The following WDR41 variants were observed in gnomAD, a reference collection of about 807,000 sequenced individuals.
The protein encoded by WDR41 is WD repeat domain 41.
WDR41 carries 63 observed loss-of-function variants against 69.3 expected under a neutral mutation model. The observed-to-expected ratio is 0.91, with a 90% confidence interval of 0.74 to 1.12. The LOEUF (loss-of-function observed/expected upper bound fraction) is 1.12, where lower values mean the gene tolerates loss of function less well. WDR41 is among the 50% of genes most tolerant of loss of function. The pLI is 0.00. For missense variants in WDR41, 543 were observed against 534.5 expected, an observed-to-expected ratio of 1.02 and a Z score of -0.16; for synonymous variants, 185 against 192.1, an observed-to-expected ratio of 0.96 and a Z score of 0.31.
Position 77,431,620 on chromosome 5 carries a change from C to T in WDR41, c.*1515G>A, listed in dbSNP as rs892439679. The T allele has an allele frequency of 6.6e-6, 1 of 152,112 alleles. No homozygotes were observed. Among genetic ancestry groups the T allele is most frequent in the African/African-American group, 2.4e-5 (1 of 41,418 alleles). The allele number at this position is 152,112 out of a possible 1,614,324, so 9.4% of individuals were successfully genotyped here. A position where few individuals can be genotyped will look rare whatever the true frequency, so the allele number is the denominator to read the frequency against. ...TCCAAAATTCATGTGATTTCTACCA[C>T]TCCATTTGAATAGATTACTATCACA... is the stretch of plus-strand genomic sequence containing the variant. On this transcript the variant is annotated 3_prime_UTR_variant, in exon 13 of 13. Transcript: ENST00000296679.
intron 1 of WDR41, among the ~76,000 whole-genome samples, chr5:77,509,625 A>G (rs1442907060): frequency 6.6e-6 from 1 of 152,220 alleles, no homozygotes; most frequent in Non-Finnish European, 1.5e-5. Flanking sequence ...TTTCATTCAT[A>G]TGAAAGTCCA....
chr5:77,528,331 C>T (rs1802478526), intron 1 of WDR41, among the ~76,000 whole-genome samples: 1 of 151,614 alleles, frequency 6.6e-6, no homozygotes, highest in Non-Finnish European at 1.5e-5. Flanking sequence ...TTAGAAAATA[C>T]AATTTACCAA....
At chr5:77,519,249 GT>G (rs1383321340) in intron 1 of WDR41, among the ~76,000 whole-genome samples, 1 of 151,760 alleles carries the variant, frequency 6.6e-6, no homozygotes. Flanking sequence ...TACATAATGA[GT>G]TTTAATACTT....
In WDR41 at chr5:77,468,974, G is replaced by C. The variant is rs569466192; in HGVS notation, c.168-4165C>G. On this transcript the variant is annotated intron_variant, in intron 2 of 12. Transcript: ENST00000296679. ...CCTTGCAATCTTTTTGTTGAAAAAA[G>C]TTGTCTCTCTTCAACCCAAATGTCT... Among the ~76,000 whole-genome samples the C allele has an allele frequency of 1.2e-3, 179 of 152,008 alleles. 1 individual carries two copies. Among genetic ancestry groups the C allele is most frequent in the Non-Finnish European group, 2.3e-3 (154 of 67,974 alleles).
intron 1 of WDR41, among the ~76,000 whole-genome samples, chr5:77,534,179 T>A (rs1379655270): frequency 1.5e-5 from 2 of 135,680 alleles, no homozygotes; most frequent in East Asian, 4.0e-4. Flanking sequence ...TGTAGCATTC[T>A]TTGCTTATTA....
At chr5:77,541,387 C>CA (rs201495135) in intron 1 of WDR41, among the ~76,000 whole-genome samples, 6,515 of 151,108 alleles carry the variant, frequency 0.043, 277 homozygotes, top group South Asian at 0.21. Flanking sequence ...AAATGCAAAT[C>CA]AAAACCATAA....
intron 1 of WDR41, among the ~76,000 whole-genome samples, chr5:77,598,712 C>G (rs1335377378): frequency 2.1e-5 from 3 of 142,728 alleles, no homozygotes; most frequent in African/African-American, 8.0e-5. Flanking sequence ...TAGAAAAGTA[C>G]AGCCTGATGC....
intron 8 of WDR41, among the ~76,000 whole-genome samples, chr5:77,445,320 TG>T (rs1799337579): frequency 2.0e-5 from 3 of 152,152 alleles, no homozygotes; most frequent in Admixed American, 6.5e-5. Flanking sequence ...CAGGACCAGA[TG>T]GATTCACAGC....
intron 1 of WDR41, among the ~76,000 whole-genome samples, chr5:77,595,262 A>G (rs563253607): frequency 1.7e-4 from 26 of 152,352 alleles, no homozygotes; most frequent in Non-Finnish European, 2.8e-4. Flanking sequence ...TGCGTGACCA[A>G]TAAGATCAAG....
intron 8 of WDR41, among the ~76,000 whole-genome samples, chr5:77,444,373 T>C (rs1374702315): frequency 6.6e-6 from 1 of 152,208 alleles, no homozygotes; most frequent in African/African-American, 2.4e-5. Flanking sequence ...TAGTACTTCA[T>C]GATTACCAAA....
intron 1 of WDR41, among the ~76,000 whole-genome samples, chr5:77,580,038 G>A (rs932185597): frequency 2.6e-5 from 4 of 151,946 alleles, no homozygotes; most frequent in African/African-American, 9.7e-5. Context: ...TACAAAAATA[G>A]AAGAAAAGGA....
chr5:77,534,559 A>G (rs1820637), intron 1 of WDR41, among the ~76,000 whole-genome samples: 50,223 of 151,720 alleles, frequency 0.33, 8,435 homozygotes, highest in Middle Eastern at 0.35. Context: ...TCAGCCTCCC[A>G]AGTAGCTGGG....
At chr5:77,497,474 A>G (rs1394815590) in intron 1 of WDR41, among the ~76,000 whole-genome samples, 2 of 152,300 alleles carry the variant, frequency 1.3e-5, no homozygotes, top group African/African-American at 4.8e-5. Context: ...AGGTATATGA[A>G]TGGTCATTAA....
chr5:77,488,228 G>A (rs938439492), intron 2 of WDR41, among the ~76,000 whole-genome samples: 2 of 152,144 alleles, frequency 1.3e-5, no homozygotes, highest in Admixed American at 6.5e-5. Flanking sequence ...CCCTTCATCT[G>A]TGGAATCTGA....
At chr5:77,491,542 A>G (rs1801789184) in intron 1 of WDR41, among the ~76,000 whole-genome samples, 1 of 152,230 alleles carries the variant, frequency 6.6e-6, no homozygotes, top group Non-Finnish European at 1.5e-5. Flanking sequence ...TGTAAATTTC[A>G]TTACACACGG....
intron 7 of WDR41, 101 bp from the exon 8 acceptor site, chr5:77,449,971 A>T (rs1016951677): frequency 1.2e-5 from 9 of 771,502 alleles, no homozygotes; most frequent in Non-Finnish European, 1.9e-5. Flanking sequence ...AAAAATACCT[A>T]CCATACTGAA....
chr5:77,485,588 T>C (rs560426997), intron 2 of WDR41, among the ~76,000 whole-genome samples: 1 of 152,316 alleles, frequency 6.6e-6, no homozygotes, highest in African/African-American at 2.4e-5. Context: ...AAAACTCTTC[T>C]TAAAATGTGT....
intron 1 of WDR41, among the ~76,000 whole-genome samples, chr5:77,571,887 G>C (rs1180607110): frequency 2.6e-5 from 4 of 152,140 alleles, no homozygotes; most frequent in African/African-American, 9.7e-5. Context: ...CTCAGGGAAA[G>C]GGGGAAAGTG....
intron 1 of WDR41, among the ~76,000 whole-genome samples, chr5:77,569,175 T>C (rs570512964): frequency 2.0e-5 from 3 of 152,328 alleles, no homozygotes; most frequent in South Asian, 4.1e-4. Context: ...AACATTTTAA[T>C]GCCTCATTAA....
Sources: allele counts gnomAD v4.1 joint callset (sites outside exome capture counted in the v4.1 genomes callset), GRCh38; gene constraint gnomAD v4.1.1; transcripts MANE v1.5; gene names NCBI Gene and HGNC (gene_info 2026-07-23, HGNC 2026-07-21).